METTL16: variants seen among roughly 807,000 people sequenced by gnomAD.
METTL16 encodes the protein RNA N(6)-adenosine-methyltransferase METTL16.
In METTL16, 19 loss-of-function variants were observed where a neutral mutation model predicts 57.9. The observed-to-expected ratio is 0.33, with a 90% CI of 0.23 to 0.48. The LOEUF is 0.48. Among genes scored for constraint, METTL16 ranks in the 20% least tolerant of loss-of-function variants. The probability of loss-of-function intolerance (pLI) is 0.99; values close to 1 mark genes in which losing one functional copy is unlikely to be tolerated. For synonymous variants in METTL16, 246 were observed against 255.6 expected (o/e 0.96, Z 0.36); for missense variants, 434 against 691.5 (o/e 0.63, Z 4.18).
chr17:2,500,571 C>A (rs1465382071), intron 2 of METTL16, among the ~76,000 whole-genome samples: 1 of 152,118 alleles, frequency 6.6e-6, no homozygotes, highest in East Asian at 2.0e-4. Context: ...CGTGAGCCAC[C>A]GCGCCCGGCC....
intron 6 of METTL16, 115 bp downstream of exon 6, chr17:2,464,093 A>G: frequency 8.8e-7 from 1 of 1,137,546 alleles, no homozygotes; most frequent in Non-Finnish European, 1.2e-6. Context: ...ACTGCACTCC[A>G]GCCTGGCAAC....
chr17:2,447,836 C>T (rs1597448359), intron 6 of METTL16, among the ~76,000 whole-genome samples: 5 of 95,066 alleles, frequency 5.3e-5, no homozygotes, highest in South Asian at 3.9e-4. Context: ...CCAGCCGCCC[C>T]ATCCGGGAGG....
chr17:2,493,129 C>CTT (rs764351584), intron 2 of METTL16, among the ~76,000 whole-genome samples: 18,058 of 132,716 alleles, frequency 0.14, 1,468 homozygotes, highest in East Asian at 0.32. Context: ...GGTGATTCTT[C>CTT]TTTTTTTTTT....
intron 1 of METTL16, among the ~76,000 whole-genome samples, chr17:2,506,382 C>T (rs1017708299): frequency 6.6e-6 from 1 of 151,742 alleles, no homozygotes; most frequent in African/African-American, 2.4e-5. Context: ...CTGCAACCTC[C>T]CTGCCTGATT....
In METTL16 at chr17:2,420,390, G is replaced by A; in HGVS notation, c.1269C>T (p.Ala423=). The change falls in exon 10 of 10, where the codon GCC becomes GCT. Residue 423 remains alanine (A), a synonymous_variant. Coordinates refer to ENST00000263092, the MANE Select transcript of METTL16 (RefSeq NM_024086.4). The surrounding 1 kb of genome is among the most constrained non-coding windows in gnomAD (Gnocchi z 5.4). ...PKESGNSQEL[A]RGPQERTPCG... ...AGGGGGTCCTCTCCTGGGGGCCCCT[G>A]GCCAGTTCTTGGCTATTGCCAGACT... The A allele has an allele frequency of 1.2e-6, 2 of 1,613,566 alleles. No individual in the cohort carries two copies. Among genetic ancestry groups the A allele is most frequent in the East Asian group, 2.2e-5 (1 of 44,884 alleles).
intron 8 of METTL16, chr17:2,436,784 C>T (rs942817208): frequency 1.9e-5 from 2 of 107,448 alleles, no homozygotes; most frequent in Non-Finnish European, 3.4e-5. Context: ...TGTCACTGCC[C>T]GGAAAATCAT....
At chr17:2,449,025 C>CAA (rs576780337) in intron 6 of METTL16, among the ~76,000 whole-genome samples, 1 of 89,166 alleles carries the variant, frequency 1.1e-5, no homozygotes, top group South Asian at 3.3e-4. Flanking sequence ...GACTCCGTCT[C>CAA]AAAAAAAAAA....
chr17:2,476,001 T>G (rs931522542), intron 3 of METTL16, among the ~76,000 whole-genome samples: 2 of 152,212 alleles, frequency 1.3e-5, no homozygotes, highest in African/African-American at 4.8e-5. Flanking sequence ...GACGATGACT[T>G]GGCTAGGATG....
Position 2,467,878 on chromosome 17 carries a change from T to C in METTL16, c.470-2A>G. 1.3e-6 allele frequency: 2 copies of C among 1,599,558 alleles called. No homozygotes were observed. The highest frequency in any genetic ancestry group is 1.7e-6 in the Non-Finnish European group (2 of 1,167,044). Reference sequence around the variant, plus strand: ...GTGTCTTCTGTGGCACTTTCACCACTAGGAGAAAAAACAGGACTGTGAACT... The same window carrying C: ...GTGTCTTCTGTGGCACTTTCACCACCAGGAGAAAAAACAGGACTGTGAACT... On this transcript the variant is annotated splice_acceptor_variant, in intron 4 of 9. Coordinates refer to ENST00000263092, the MANE Select transcript of METTL16 (RefSeq NM_024086.4). LOFTEE classifies it high-confidence loss of function.
chr17:2,465,391 C>T (rs1385586354), intron 5 of METTL16, among the ~76,000 whole-genome samples: 1 of 151,052 alleles, frequency 6.6e-6, no homozygotes, highest in Non-Finnish European at 1.5e-5. Context: ...AAAAAAAATA[C>T]AAAAAATTAG....
intron 8 of METTL16, 61 bp downstream of exon 8, chr17:2,438,048 T>C: frequency 6.7e-6 from 8 of 1,192,162 alleles, no homozygotes; most frequent in East Asian, 2.3e-5. Flanking sequence ...AGTTCACTTA[T>C]GATGGACTGA....
intron 2 of METTL16, among the ~76,000 whole-genome samples, chr17:2,483,185 A>G (rs1047574866): frequency 1.3e-5 from 2 of 152,224 alleles, no homozygotes; most frequent in African/African-American, 4.8e-5. Context: ...AAATGATCCA[A>G]AGGTTGAAAA....
At chr17:2,490,802 A>T (rs2151575024) in intron 2 of METTL16, among the ~76,000 whole-genome samples, 1 of 152,356 alleles carries the variant, frequency 6.6e-6, no homozygotes, top group Non-Finnish European at 1.5e-5. Context: ...GGGCCTTCAA[A>T]GAAAGTTGTT....
chr17:2,433,968 C>T (rs944833909), intron 8 of METTL16, among the ~76,000 whole-genome samples: 3 of 152,216 alleles, frequency 2.0e-5, no homozygotes, highest in Non-Finnish European at 2.9e-5. Flanking sequence ...AAATCTGCTG[C>T]AGATCGGGAT....
chr17:2,451,246 C>T (rs1790725813), intron 6 of METTL16, among the ~76,000 whole-genome samples: 1 of 152,078 alleles, frequency 6.6e-6, no homozygotes, highest in South Asian at 2.1e-4. Flanking sequence ...TTTAAACAAA[C>T]CCCGGTAAAG....
intron 2 of METTL16, among the ~76,000 whole-genome samples, chr17:2,496,377 C>A (rs983846614): frequency 6.6e-6 from 1 of 151,412 alleles, no homozygotes; most frequent in African/African-American, 2.5e-5. Context: ...AAGTTCACTG[C>A]AGCCTTGAAC....
intron 2 of METTL16, among the ~76,000 whole-genome samples, chr17:2,480,607 A>G (rs1164517695): frequency 6.6e-6 from 1 of 152,240 alleles, no homozygotes; most frequent in African/African-American, 2.4e-5. Context: ...AGGGAAGTAC[A>G]AGATAAACCC....
chr17:2,483,733 G>A (rs1215411865), intron 2 of METTL16, among the ~76,000 whole-genome samples: 6 of 152,258 alleles, frequency 3.9e-5, no homozygotes, highest in East Asian at 1.9e-4. Context: ...GATAAATGAT[G>A]AGCAATAAAA....
chr17:2,444,534 C>A (rs1417741304), intron 6 of METTL16, among the ~76,000 whole-genome samples: 2 of 152,064 alleles, frequency 1.3e-5, no homozygotes, highest in Non-Finnish European at 2.9e-5. Flanking sequence ...GTTGCAACAT[C>A]ATAGCACAGT....
Sources: allele counts gnomAD v4.1 joint callset (sites outside exome capture counted in the v4.1 genomes callset), GRCh38; gene constraint gnomAD v4.1.1; non-coding constraint Gnocchi (gnomAD v3.1); transcripts MANE v1.5; gene names NCBI Gene and HGNC (gene_info 2026-07-23, HGNC 2026-07-21).